MMP16: variants seen among roughly 807,000 people sequenced by gnomAD.
MMP16 encodes matrix metallopeptidase 16.
In MMP16, 12 loss-of-function variants were observed where a neutral mutation model predicts 67.8. The ratio of observed to expected loss-of-function variants is 0.18; its 90% confidence interval spans 0.11 to 0.29. The LOEUF (loss-of-function observed/expected upper bound fraction) is 0.29, where lower values mean the gene tolerates loss of function less well. Ranked by LOEUF, MMP16 falls within the 10% of genes least tolerant of loss-of-function variation. MMP16 has a pLI of 1.00. For missense variants in MMP16, 475 were observed against 765.7 expected (o/e 0.62, Z 4.48); for synonymous variants, 249 against 255.9 (o/e 0.97, Z 0.26).
intron 2 of MMP16, among the ~76,000 whole-genome samples, chr8:88,187,892 C>A (rs1340474244): frequency 6.6e-6 from 1 of 152,124 alleles, no homozygotes; most frequent in Non-Finnish European, 1.5e-5. Context: ...GAAAATAATT[C>A]TTCCCCTTTA....
chr8:88,278,157 C>A (rs900677184), intron 1 of MMP16, among the ~76,000 whole-genome samples: 1 of 152,154 alleles, frequency 6.6e-6, no homozygotes, highest in Non-Finnish European at 1.5e-5. Context: ...CTTTATAAAC[C>A]ATCACTACTG....
At chr8:88,212,607 T>G (rs1023199030) in intron 1 of MMP16, among the ~76,000 whole-genome samples, 8 of 152,288 alleles carry the variant, frequency 5.3e-5, no homozygotes, top group Admixed American at 3.9e-4. Context: ...AAAATGTCCC[T>G]CTGCTACAAC....
chr8:88,149,394 C>T (rs1313855113), intron 4 of MMP16, among the ~76,000 whole-genome samples: 6 of 152,158 alleles, frequency 3.9e-5, no homozygotes, highest in Admixed American at 3.9e-4. Context: ...CTGTAGGCTC[C>T]ACCTCTGGGG....
chr8:88,121,791 T>C (rs1243160543), intron 4 of MMP16, among the ~76,000 whole-genome samples: 1 of 152,084 alleles, frequency 6.6e-6, no homozygotes, highest in Non-Finnish European at 1.5e-5. Flanking sequence ...TATTAAACTA[T>C]ATTATGAAGG....
intron 1 of MMP16, among the ~76,000 whole-genome samples, chr8:88,234,402 T>C (rs1809909020): frequency 6.6e-6 from 1 of 152,226 alleles, no homozygotes; most frequent in Non-Finnish European, 1.5e-5. Context: ...CCAAATCAAG[T>C]GAACACAATT....
chr8:88,295,051 C>T (rs1022073432), intron 1 of MMP16, among the ~76,000 whole-genome samples: 4 of 152,168 alleles, frequency 2.6e-5, no homozygotes, highest in Admixed American at 6.6e-5. Context: ...AAATCCATAT[C>T]CACTTTAGGC....
intron 6 of MMP16, among the ~76,000 whole-genome samples, chr8:88,098,095 C>T (rs1269770740): frequency 1.3e-5 from 2 of 151,836 alleles, no homozygotes; most frequent in Non-Finnish European, 2.9e-5. Context: ...CTGGAATGAC[C>T]CAAAGAACTC....
chr8:88,077,130 C>T (rs1808664384), intron 6 of MMP16, among the ~76,000 whole-genome samples: 1 of 152,136 alleles, frequency 6.6e-6, no homozygotes, highest in Admixed American at 6.5e-5. Flanking sequence ...AGATGAATTC[C>T]ACTGGTTTTT....
rs972231276 is a variant in MMP16, at chr8:88,037,235, T to C, written c.*4226A>G. ...CAGTGAAGTTTGGACAATGTTCTTA[T>C]CCACCACATTGTGTTTTTTAATGAC... On this transcript the variant is annotated 3_prime_UTR_variant, in exon 10 of 10. Coordinates refer to ENST00000286614, the MANE Select transcript of MMP16 (RefSeq NM_005941.5). 6.6e-6 allele frequency: 1 copy of C among 151,406 alleles called. No individual in the cohort carries two copies. Among genetic ancestry groups the C allele is most frequent in the Non-Finnish European group, 1.5e-5 (1 of 67,726 alleles). The allele number at this position is 151,406 out of a possible 1,614,324, so 9.4% of individuals were successfully genotyped here.
At chr8:88,193,092 G>T (rs918868632) in intron 2 of MMP16, among the ~76,000 whole-genome samples, 1 of 152,104 alleles carries the variant, frequency 6.6e-6, no homozygotes, top group Admixed American at 6.6e-5. Flanking sequence ...ATATTGAAAA[G>T]ATATCTACAC....
At chr8:88,189,237 C>A (rs1488305723) in intron 2 of MMP16, among the ~76,000 whole-genome samples, 2 of 152,146 alleles carry the variant, frequency 1.3e-5, no homozygotes, top group Non-Finnish European at 2.9e-5. Context: ...AGACATGTAT[C>A]ATTTAAAAAG....
At chr8:88,251,029 T>G (rs1021968845) in intron 1 of MMP16, among the ~76,000 whole-genome samples, 1 of 151,572 alleles carries the variant, frequency 6.6e-6, no homozygotes. Flanking sequence ...TATGCGGTGT[T>G]TGGTTTTTTG....
At chr8:88,139,815 T>G (rs1320997224) in intron 4 of MMP16, among the ~76,000 whole-genome samples, 1 of 152,182 alleles carries the variant, frequency 6.6e-6, no homozygotes, top group Non-Finnish European at 1.5e-5. Flanking sequence ...CTTGAATGTT[T>G]TAGTTAATTT....
intron 4 of MMP16, among the ~76,000 whole-genome samples, chr8:88,121,647 G>C (rs911638687): frequency 6.6e-6 from 1 of 151,936 alleles, no homozygotes; most frequent in Non-Finnish European, 1.5e-5. Context: ...AGGCAACAAA[G>C]GAGAAATCAG....
chr8:88,103,899 T>C lies in MMP16; in HGVS notation c.1083+12608A>G, dbSNP rs28906375. Reference sequence around the variant, plus strand: ...TAAGGCTATTTCCACTTGAGATTAATGCACAGTGGGCACAGATTCTTACCT... The same window carrying C: ...TAAGGCTATTTCCACTTGAGATTAACGCACAGTGGGCACAGATTCTTACCT... On this transcript the variant is annotated intron_variant, in intron 6 of 9. Coordinates refer to ENST00000286614, the MANE Select transcript of MMP16 (RefSeq NM_005941.5). 3.9e-5 allele frequency among the ~76,000 whole-genome samples: 6 copies of C among 151,916 alleles called. No individual in the cohort carries two copies. In the East Asian group the frequency reaches 1.2e-3, roughly 30 times the overall value.
intron 1 of MMP16, among the ~76,000 whole-genome samples, chr8:88,270,557 TAAGG>T (rs1810548736): frequency 2.0e-5 from 3 of 152,154 alleles, no homozygotes; most frequent in African/African-American, 7.2e-5. Context: ...ATTTTGTAGA[TAAGG>T]AAGCAGAGAA....
chr8:88,149,712 C>T (rs1264892707), intron 4 of MMP16, among the ~76,000 whole-genome samples: 3 of 151,832 alleles, frequency 2.0e-5, no homozygotes, highest in African/African-American at 4.8e-5. Flanking sequence ...CCCATCTGTA[C>T]ATCACCATCA....
intron 1 of MMP16, among the ~76,000 whole-genome samples, chr8:88,223,709 G>A (rs1343083144): frequency 9.8e-6 from 1 of 101,674 alleles, no homozygotes; most frequent in Non-Finnish European, 1.8e-5. Context: ...GGGGAGGGGG[G>A]AGGGATAGCA....
At chr8:88,189,395 T>C (rs1809130767) in intron 2 of MMP16, among the ~76,000 whole-genome samples, 1 of 152,130 alleles carries the variant, frequency 6.6e-6, no homozygotes, top group Non-Finnish European at 1.5e-5. Flanking sequence ...CTGAAAGCCT[T>C]AGCATCTTCT....
Sources: gnomAD v4.1 joint callset for allele counts (sites outside exome capture counted in the v4.1 genomes callset) on GRCh38, gnomAD v4.1.1 for gene constraint, MANE v1.5 for transcripts, NCBI Gene and HGNC (gene_info 2026-07-23, HGNC 2026-07-21) for gene names.